Variants in DIAPH2 observed in about 807,000 individuals in gnomAD.
DIAPH2 encodes the protein diaphanous related formin 2.
DIAPH2 carries 35 observed loss-of-function variants against 92.7 expected under a neutral mutation model. The ratio of observed to expected loss-of-function variants is 0.38; its 90% CI spans 0.29 to 0.50. DIAPH2 has a LOEUF of 0.50. DIAPH2 is among the 20% of genes least tolerant of loss of function. DIAPH2 has a pLI of 0.94. For missense variants in DIAPH2, 701 were observed against 819.5 expected, an observed-to-expected ratio of 0.86 and a Z score of 1.77; for synonymous variants, 301 against 280.4, an observed-to-expected ratio of 1.07 and a Z score of -0.73.
chrX:97,364,757 G>GTGTTTTTTTT (rs775862068), intron 24 of DIAPH2, among the ~76,000 whole-genome samples: 1,863 of 67,400 alleles, frequency 0.028, 23 homozygotes, highest in Middle Eastern at 0.08. Flanking sequence ...ATGTCTCCTG[G>GTGTTTTTTTT]TGTTTTTTTT....
chrX:97,161,895 CATGTT>C (rs1053697052), intron 22 of DIAPH2, among the ~76,000 whole-genome samples: 48 of 111,603 alleles, frequency 4.3e-4, no homozygotes, highest in African/African-American at 1.5e-3. Context: ...CTTTAGGACT[CATGTT>C]ATTCTTTACT....
Position 97,471,331 on chromosome X carries a change from C to T in DIAPH2, c.3241+41586C>T, listed in dbSNP as rs1403187086. On this transcript the variant is annotated intron_variant, in intron 26 of 26. Transcript: ENST00000324765. The stretch of plus-strand genomic sequence containing the variant: ...CTCCCTTTTATGCTCACTTACCACA[C>T]AAATGACATCTTTGTGCCTGTTGTT... 4.5e-5 allele frequency among the ~76,000 whole-genome samples: 5 copies of T among 111,625 alleles called. No homozygotes were observed. The Admixed American group carries it at 4.8e-4, about 11-fold the overall frequency.
chrX:97,408,838 A>G (rs2069837058), intron 25 of DIAPH2, among the ~76,000 whole-genome samples: 1 of 112,132 alleles, frequency 8.9e-6, no homozygotes, highest in African/African-American at 3.2e-5. Context: ...TATAGGTGTG[A>G]ACACTCAAGG....
chrX:96,931,129 G>C (rs1456331416), intron 10 of DIAPH2, among the ~76,000 whole-genome samples: 1 of 111,212 alleles, frequency 9.0e-6, no homozygotes, highest in Non-Finnish European at 1.9e-5. Context: ...TTGAAAACAT[G>C]AGACTTTTTT....
rs761989025 is a variant in DIAPH2 at position 96,766,673 on chromosome X, A to G, written c.447+8415A>G. On this transcript the variant is annotated intron_variant, in intron 4 of 26. Coordinates refer to ENST00000324765, the MANE Select transcript of DIAPH2 (RefSeq NM_006729.5). ...ATCACTTTAAGTATTGCATTTGCCC[A>G]GAGATTACGTACATTGGTCCAAAAA... Among the ~76,000 whole-genome samples the G allele has an allele frequency of 6.2e-5, 7 of 112,186 alleles. No individual in the cohort carries two copies. In the South Asian group the frequency reaches 1.5e-3, roughly 24 times the overall value.
chrX:96,791,497 C>G (rs2064500645), intron 4 of DIAPH2, among the ~76,000 whole-genome samples: 1 of 105,849 alleles, frequency 9.4e-6, no homozygotes, highest in Non-Finnish European at 1.9e-5. Flanking sequence ...ATGATCATGC[C>G]ACTGTCCCCC....
intron 17 of DIAPH2, among the ~76,000 whole-genome samples, chrX:97,039,984 A>G (rs1367690092): frequency 9.0e-6 from 1 of 111,468 alleles, no homozygotes; most frequent in African/African-American, 3.3e-5. Flanking sequence ...TCTGACAGCT[A>G]CATTATATTG....
rs756976630 is a variant in DIAPH2, at chrX:96,934,664, G to A, written c.1090-2569G>A. Among the ~76,000 whole-genome samples, 5 of 82,923 alleles carry A rather than the reference G, an allele frequency of 6.0e-5. No homozygotes were observed. The South Asian group carries it at 3.6e-3, about 60-fold the overall frequency. 72.0% of individuals were successfully genotyped at this position (82,923 alleles called of 115,157 possible). ...AAATTTAGATGTTGAAAAATAGTTT[G>A]TATTTCATTTATATGGAATTTCACG... On this transcript the variant is annotated intron_variant, in intron 10 of 26. Transcript: ENST00000324765.
intron 4 of DIAPH2, among the ~76,000 whole-genome samples, chrX:96,856,979 C>T (rs1305731298): frequency 9.1e-6 from 1 of 109,615 alleles, no homozygotes; most frequent in African/African-American, 3.3e-5. Context: ...TCAGAGGTTG[C>T]AGTGAGCCGA....
intron 4 of DIAPH2, among the ~76,000 whole-genome samples, chrX:96,772,367 G>T (rs931414473): frequency 8.9e-6 from 1 of 111,871 alleles, no homozygotes; most frequent in African/African-American, 3.2e-5. Context: ...AATTCTTGGA[G>T]GCTAGTTAGA....
At chrX:97,373,565 C>G (rs1165476729) in intron 24 of DIAPH2, among the ~76,000 whole-genome samples, 8 of 101,705 alleles carry the variant, frequency 7.9e-5, no homozygotes, top group African/African-American at 1.1e-4. Context: ...AGGCTTCACT[C>G]ATAAGACAGA....
intron 23 of DIAPH2, among the ~76,000 whole-genome samples, chrX:97,332,793 A>G (rs2069013219): frequency 9.0e-6 from 1 of 111,322 alleles, no homozygotes; most frequent in Admixed American, 9.6e-5. Context: ...ATAATGAGAA[A>G]CATCGTCTCA....
chrX:97,154,139 T>C (rs2067305411), intron 22 of DIAPH2, among the ~76,000 whole-genome samples: 1 of 111,384 alleles, frequency 9.0e-6, no homozygotes, highest in Non-Finnish European at 1.9e-5. Flanking sequence ...AATTATGCAT[T>C]TGCTGATACC....
intron 23 of DIAPH2, among the ~76,000 whole-genome samples, chrX:97,254,672 T>C (rs1237309328): frequency 9.1e-6 from 1 of 110,046 alleles, no homozygotes; most frequent in Non-Finnish European, 1.9e-5. Flanking sequence ...ATGAAGTAGG[T>C]ACTATTACTA....
At chrX:96,830,754 TG>T (rs945028847) in intron 4 of DIAPH2, among the ~76,000 whole-genome samples, 4 of 109,673 alleles carry the variant, frequency 3.6e-5, no homozygotes, top group African/African-American at 1.3e-4. Context: ...ACATAACATT[TG>T]AAAAAAAAAG....
chrX:97,546,594 G>C (rs2071182959), intron 26 of DIAPH2, among the ~76,000 whole-genome samples: 1 of 111,711 alleles, frequency 9.0e-6, no homozygotes, highest in Admixed American at 9.5e-5. Context: ...CTGGCACTTT[G>C]GGAGGCTAAG....
intron 17 of DIAPH2, among the ~76,000 whole-genome samples, chrX:97,029,389 C>T (rs901235290): frequency 1.2e-4 from 13 of 110,858 alleles, no homozygotes; most frequent in African/African-American, 4.3e-4. Context: ...CTCAAGCTAT[C>T]CACCTGCCTC....
chrX:96,713,008 G>A (rs1461342027), intron 1 of DIAPH2, among the ~76,000 whole-genome samples: 1 of 110,737 alleles, frequency 9.0e-6, no homozygotes, highest in Non-Finnish European at 1.9e-5. Flanking sequence ...ATTTGTCTTG[G>A]AATTGGTCTG....
At chrX:97,586,045 AT>A (rs1458665930) in intron 26 of DIAPH2, among the ~76,000 whole-genome samples, 1 of 111,700 alleles carries the variant, frequency 9.0e-6, no homozygotes, top group Non-Finnish European at 1.9e-5. Context: ...GGATTTGATC[AT>A]TAGCCCACTG....
Sources: gnomAD v4.1 joint callset for allele counts (sites outside exome capture counted in the v4.1 genomes callset) on GRCh38, gnomAD v4.1.1 for gene constraint, MANE v1.5 for transcripts, NCBI Gene and HGNC (gene_info 2026-07-23, HGNC 2026-07-21) for gene names.